Variants in ROCK1 observed in about 807,000 individuals in gnomAD.
ROCK1 encodes rho-associated protein kinase 1.
In ROCK1, 36 loss-of-function variants were observed where a neutral mutation model predicts 196.8. The observed-to-expected ratio is 0.18, with a 90% CI of 0.14 to 0.24. ROCK1 has a LOEUF of 0.24. ROCK1 is among the 10% of genes least tolerant of loss of function. The pLI is 1.00. For missense variants in ROCK1, 920 were observed against 1,562.0 expected (o/e 0.59, Z 6.93); for synonymous variants, 443 against 515.9 (o/e 0.86, Z 1.91).
rs577609488 is a variant in ROCK1 at position 21,106,983 on chromosome 18, T to C, written c.93+3835A>G. ...TTCAGACTGCAGACTTTTTCAGATT[T>C]TAAAATATTTGCATATACATAAGAT... is the stretch of plus-strand genomic sequence containing the variant. On this transcript the variant is annotated intron_variant, in intron 1 of 32. Coordinates refer to ENST00000399799, the MANE Select transcript of ROCK1 (RefSeq NM_005406.3). Among the ~76,000 whole-genome samples the C allele has an allele frequency of 4.6e-5, 7 of 152,342 alleles. No homozygotes were observed. In the South Asian group the frequency reaches 1.4e-3, roughly 32 times the overall value.
intron 2 of ROCK1, among the ~76,000 whole-genome samples, chr18:21,064,128 T>C (rs182857791): frequency 5.7e-4 from 86 of 152,180 alleles, no homozygotes; most frequent in African/African-American, 2.0e-3. Context: ...TCCAACCCAT[T>C]AACCCAAAAG....
chr18:21,040,140 C>T (rs2036092682), intron 8 of ROCK1, among the ~76,000 whole-genome samples: 1 of 152,300 alleles, frequency 6.6e-6, no homozygotes, highest in African/African-American at 2.4e-5. Flanking sequence ...TAATCACCAC[C>T]TTACTTCATT....
At chr18:20,953,189 A>G (rs1236994480) in intron 32 of ROCK1, 1 of 181,974 alleles carries the variant, frequency 5.5e-6, no homozygotes, top group Non-Finnish European at 1.1e-5. Context: ...TGGGAAGTTA[A>G]CAAAAAAGGG....
In ROCK1 at chr18:20,960,211, G is replaced by T. The variant is rs775703062; in HGVS notation, c.3353-5C>A. ...GCCAACCTTCAATTCTTGACTCTAG[G>T]AGAAAAAGAATATATGTATTAGTCA... On this transcript the variant is annotated splice_region_variant and splice_polypyrimidine_tract_variant and intron_variant, in intron 27 of 32. Coordinates refer to ENST00000399799, the MANE Select transcript of ROCK1 (RefSeq NM_005406.3). 6.5e-7 allele frequency: 1 copy of T among 1,536,876 alleles called. No individual in the cohort carries two copies. Among genetic ancestry groups the T allele is most frequent in the South Asian group, 1.1e-5 (1 of 89,344 alleles).
chr18:21,032,137 A>C (rs2036014175), intron 9 of ROCK1, among the ~76,000 whole-genome samples: 1 of 152,008 alleles, frequency 6.6e-6, no homozygotes, highest in Non-Finnish European at 1.5e-5. Flanking sequence ...ACTATGAAAA[A>C]CTCCAAAAGC....
intron 1 of ROCK1, among the ~76,000 whole-genome samples, chr18:21,100,226 T>TCTC (rs1438423812): frequency 3.3e-5 from 5 of 151,640 alleles, no homozygotes. Flanking sequence ...TTTTTCTTCT[T>TCTC]CTCAAAAATA....
At chr18:21,084,255 C>CA (rs56033980) in intron 1 of ROCK1, among the ~76,000 whole-genome samples, 145,829 of 148,098 alleles carry the variant, frequency 0.98, 71,801 homozygotes, top group East Asian at 1. Flanking sequence ...ACACAGGCAA[C>CA]AAAAAAAAAA....
chr18:20,957,661 T>C (rs1407969220), intron 29 of ROCK1, among the ~76,000 whole-genome samples: 2 of 152,022 alleles, frequency 1.3e-5, no homozygotes, highest in Admixed American at 6.5e-5. Context: ...TTTGTATTTT[T>C]AGTAGAGACA....
chr18:20,968,889 G>T, intron 24 of ROCK1, 29 bp from the exon 25 acceptor site: 1 of 1,355,958 alleles, frequency 7.4e-7, no homozygotes, highest in Non-Finnish European at 1.1e-6. Flanking sequence ...AAATGTTATT[G>T]TATGGTATTA....
At chr18:20,952,834 G>A (rs540360310) in intron 32 of ROCK1, among the ~76,000 whole-genome samples, 68 of 151,852 alleles carry the variant, frequency 4.5e-4, no homozygotes, top group African/African-American at 1.6e-3. Flanking sequence ...GGACATGGAT[G>A]AAGCTGGAAA....
At chr18:21,100,061 A>G (rs2036645353) in intron 1 of ROCK1, among the ~76,000 whole-genome samples, 1 of 151,920 alleles carries the variant, frequency 6.6e-6, no homozygotes, top group South Asian at 2.1e-4. Context: ...ACCCAAACCA[A>G]CCAAAAAGCA....
chr18:20,959,122 T>C (rs867822227), intron 29 of ROCK1, among the ~76,000 whole-genome samples: 1 of 49,768 alleles, frequency 2.0e-5, no homozygotes, highest in Non-Finnish European at 3.0e-5. Flanking sequence ...TATTATATAA[T>C]ATATATATTA....
intron 16 of ROCK1, among the ~76,000 whole-genome samples, chr18:20,998,657 T>C (rs1307062098): frequency 7.0e-6 from 1 of 141,938 alleles, no homozygotes; most frequent in Non-Finnish European, 1.5e-5. Flanking sequence ...CAGGCTGGAG[T>C]GCAGTGATGC....
chr18:21,007,056 T>C lies in ROCK1; in HGVS notation c.1547-266A>G, dbSNP rs758420896. 2.0e-5 allele frequency among the ~76,000 whole-genome samples: 3 copies of C among 152,278 alleles called. No individual in the cohort carries two copies. The East Asian group carries it at 5.8e-4, about 29-fold the overall frequency. On this transcript the variant is annotated intron_variant, in intron 14 of 32. Coordinates refer to ENST00000399799, the MANE Select transcript of ROCK1 (RefSeq NM_005406.3). ...TTTATTCCCTTTATAAGATCACTGA[T>C]AGTATACTTATAAAGCTAGTTTTAA...
chr18:21,098,040 G>C (rs2036626186), intron 1 of ROCK1, among the ~76,000 whole-genome samples: 1 of 152,200 alleles, frequency 6.6e-6, no homozygotes, highest in Non-Finnish European at 1.5e-5. Flanking sequence ...AACTGTCCAA[G>C]GACCAAGGGC....
chr18:20,990,382 C>A (rs1326575008), intron 18 of ROCK1, among the ~76,000 whole-genome samples: 2 of 151,344 alleles, frequency 1.3e-5, no homozygotes, highest in African/African-American at 4.9e-5. Flanking sequence ...GAGTAGTAAA[C>A]TGAGGGAACT....
chr18:20,956,986 G>A (rs965642716), intron 29 of ROCK1, among the ~76,000 whole-genome samples: 12 of 152,158 alleles, frequency 7.9e-5, no homozygotes, highest in Non-Finnish European at 1.8e-4. Context: ...ACATCCACTA[G>A]AAAAGCTAAA....
At chr18:21,002,954 G>A (rs1003392892) in intron 16 of ROCK1, among the ~76,000 whole-genome samples, 5 of 151,816 alleles carry the variant, frequency 3.3e-5, no homozygotes, top group Admixed American at 3.3e-4. Flanking sequence ...TGTTCAGGCT[G>A]GCCTCAAACT....
intron 1 of ROCK1, among the ~76,000 whole-genome samples, chr18:21,100,523 C>A (rs981759395): frequency 6.7e-6 from 1 of 149,074 alleles, no homozygotes; most frequent in African/African-American, 2.5e-5. Context: ...GCAAGGATGA[C>A]ATAAATTGAC....
Sources: allele counts gnomAD v4.1 joint callset (sites outside exome capture counted in the v4.1 genomes callset), GRCh38; gene constraint gnomAD v4.1.1; transcripts MANE v1.5; gene names NCBI Gene and HGNC (gene_info 2026-07-23, HGNC 2026-07-21).